ZC2HC1A: variants seen among roughly 807,000 people sequenced by gnomAD.
The protein encoded by ZC2HC1A is zinc finger C2HC-type containing 1A.
Under a neutral mutation model 40.7 loss-of-function variants are expected in ZC2HC1A, and 28 were observed. The ratio of observed to expected loss-of-function variants is 0.69; its 90% CI spans 0.51 to 0.94. ZC2HC1A has a LOEUF of 0.94. Ranked by LOEUF, ZC2HC1A falls within the 40% of genes least tolerant of loss-of-function variation. The pLI, the probability that ZC2HC1A is intolerant of heterozygous loss-of-function variation, is 0.00. For synonymous variants in ZC2HC1A, 129 were observed against 129.2 expected (o/e 1.00, Z 0.01); for missense variants, 389 against 386.3 (o/e 1.01, Z -0.06).
rs1276766704 is a variant in ZC2HC1A, at chr8:78,717,443, G to C, written c.928G>C (p.Glu310Gln). The change falls in exon 9 of 9, where the codon GAA (glutamate) becomes CAA (glutamine). Residue 310 changes from glutamate to glutamine, a missense_variant. Transcript: ENST00000263849. Reference sequence around the variant, plus strand: ...TGAGTGTGGGACTAAATACCCTGTAGAATGGGCCAAATTTTGCTGTGAATG... The same window carrying C: ...TGAGTGTGGGACTAAATACCCTGTACAATGGGCCAAATTTTGCTGTGAATG... Reference protein sequence around the residue: ...CHECGTKYPVEWAKFCCECGI... With the variant: ...CHECGTKYPVQWAKFCCECGI... 1.2e-6 allele frequency: 2 copies of C among 1,604,962 alleles called. No homozygotes were observed. The highest frequency in any genetic ancestry group is 1.7e-6 in the Non-Finnish European group (2 of 1,177,360).
intron 3 of ZC2HC1A, among the ~76,000 whole-genome samples, chr8:78,681,336 A>G (rs1809770068): frequency 1.3e-5 from 2 of 152,148 alleles, no homozygotes; most frequent in Non-Finnish European, 2.9e-5. Flanking sequence ...AAAAGATACT[A>G]TGAGAAAAAA....
At chr8:78,683,396 C>T (rs1809853854) in intron 3 of ZC2HC1A, among the ~76,000 whole-genome samples, 1 of 152,268 alleles carries the variant, frequency 6.6e-6, no homozygotes, top group African/African-American at 2.4e-5. Context: ...CTCTTGATTT[C>T]TGTGCACCTG....
At chr8:78,678,952 T>C (rs2130445562) in intron 3 of ZC2HC1A, 1 of 213,898 alleles carries the variant, frequency 4.7e-6, no homozygotes, top group East Asian at 9.7e-5. Context: ...TTTATAGCAT[T>C]GGAGAGCCAA....
intron 1 of ZC2HC1A, among the ~76,000 whole-genome samples, chr8:78,670,256 C>T (rs1012180818): frequency 4.6e-5 from 7 of 151,982 alleles, no homozygotes; most frequent in Admixed American, 1.3e-4. Flanking sequence ...TGTGAGCCAA[C>T]GCACTCGGCG....
At chr8:78,701,101 A>G (rs1411523118) in intron 7 of ZC2HC1A, among the ~76,000 whole-genome samples, 2 of 152,204 alleles carry the variant, frequency 1.3e-5, no homozygotes, top group African/African-American at 2.4e-5. Context: ...CATTTTAACA[A>G]TATTGATTCT....
chr8:78,694,292 T>A (rs1810324706), intron 5 of ZC2HC1A, among the ~76,000 whole-genome samples: 1 of 151,200 alleles, frequency 6.6e-6, no homozygotes, highest in Admixed American at 6.6e-5. Context: ...CCTTGTTTTT[T>A]TTTTTTTCTC....
Position 78,675,073 on chromosome 8 carries a change from T to C in ZC2HC1A, c.17-714T>C, listed in dbSNP as rs1004648640. 4.0e-5 allele frequency among the ~76,000 whole-genome samples: 6 copies of C among 151,630 alleles called. No homozygotes were observed. The East Asian group carries it at 1.2e-3, about 29-fold the overall frequency. On this transcript the variant is annotated intron_variant, in intron 1 of 8. Transcript: ENST00000263849. ...AGAATGCAGTTTCTTTTTTTGTAGT[T>C]TCTTTTTTTTTCTTTTTAGTAATAA...
chr8:78,715,927 C>T (rs1038977010), intron 8 of ZC2HC1A, among the ~76,000 whole-genome samples: 2 of 150,704 alleles, frequency 1.3e-5, no homozygotes, highest in African/African-American at 4.9e-5. Context: ...GTAATCCCAG[C>T]TACTCAGGAG....
At chr8:78,690,880 T>G (rs1810189723) in intron 5 of ZC2HC1A, among the ~76,000 whole-genome samples, 1 of 152,194 alleles carries the variant, frequency 6.6e-6, no homozygotes, top group Non-Finnish European at 1.5e-5. Context: ...TATTTCATTT[T>G]TAGTTGTTTT....
intron 7 of ZC2HC1A, among the ~76,000 whole-genome samples, chr8:78,709,843 A>G (rs1345968385): frequency 1.3e-5 from 2 of 152,240 alleles, no homozygotes; most frequent in Admixed American, 1.3e-4. Context: ...ATTGCCTTAT[A>G]GCATCATAAC....
At chr8:78,673,218 A>C (rs1367413747) in intron 1 of ZC2HC1A, among the ~76,000 whole-genome samples, 1 of 152,144 alleles carries the variant, frequency 6.6e-6, no homozygotes, top group African/African-American at 2.4e-5. Context: ...TTCCAGCTTC[A>C]TCCATGTCCC....
At chr8:78,667,817 A>G (rs1010872572) in intron 1 of ZC2HC1A, among the ~76,000 whole-genome samples, 2 of 152,220 alleles carry the variant, frequency 1.3e-5, no homozygotes, top group African/African-American at 4.8e-5. Context: ...TTTTTAAAAT[A>G]TAATGGAAAC....
At chr8:78,670,099 C>G (rs1423094916) in intron 1 of ZC2HC1A, among the ~76,000 whole-genome samples, 1 of 151,794 alleles carries the variant, frequency 6.6e-6, no homozygotes, top group Non-Finnish European at 1.5e-5. Flanking sequence ...TCCGGAGTAG[C>G]TGGGATTACA....
At chr8:78,666,468 T>A (rs1246343496) in intron 1 of ZC2HC1A, among the ~76,000 whole-genome samples, 1 of 152,238 alleles carries the variant, frequency 6.6e-6, no homozygotes, top group African/African-American at 2.4e-5. Context: ...GCTTGACTCC[T>A]GAGTGCCCTT....
intron 5 of ZC2HC1A, among the ~76,000 whole-genome samples, chr8:78,690,928 C>A (rs62518980): frequency 0.057 from 8,673 of 152,060 alleles, 299 homozygotes; most frequent in Middle Eastern, 0.082. Flanking sequence ...GTATATTAAT[C>A]TTATACCCTG....
chr8:78,688,412 A>T (rs188381572), intron 4 of ZC2HC1A, among the ~76,000 whole-genome samples: 1 of 152,198 alleles, frequency 6.6e-6, no homozygotes, highest in East Asian at 1.9e-4. Flanking sequence ...AGGAGGACAA[A>T]TTTTTGAGCT....
chr8:78,717,296 T>C, intron 8 of ZC2HC1A, 32 bp from the exon 9 acceptor site: 1 of 1,594,184 alleles, frequency 6.3e-7, no homozygotes, highest in Non-Finnish European at 8.5e-7. Context: ...TGATACAAAC[T>C]TTATCTTTTC....
intron 5 of ZC2HC1A, among the ~76,000 whole-genome samples, chr8:78,696,277 A>T (rs1175524892): frequency 6.6e-6 from 1 of 152,070 alleles, no homozygotes; most frequent in African/African-American, 2.4e-5. Flanking sequence ...CTTGTGATCC[A>T]CCTGCCTCGG....
intron 5 of ZC2HC1A, among the ~76,000 whole-genome samples, chr8:78,692,340 T>G (rs1378313894): frequency 6.6e-6 from 1 of 152,134 alleles, no homozygotes; most frequent in Non-Finnish European, 1.5e-5. Context: ...ATCCCTATAG[T>G]TCAGTCTTAT....
Sources: allele counts gnomAD v4.1 joint callset (sites outside exome capture counted in the v4.1 genomes callset), GRCh38; gene constraint gnomAD v4.1.1; transcripts MANE v1.5; gene names NCBI Gene and HGNC (gene_info 2026-07-23, HGNC 2026-07-21).